Variants in DOT1L observed in about 807,000 individuals in gnomAD.
The protein encoded by DOT1L is histone-lysine N-methyltransferase, H3 lysine-79 specific.
In DOT1L, 33 loss-of-function variants were observed where a neutral mutation model predicts 153.3. That is an observed-to-expected ratio of 0.22 (90% CI 0.16 to 0.29). The LOEUF is 0.29. Among genes scored for constraint, DOT1L ranks in the 10% least tolerant of loss-of-function variants. The probability of loss-of-function intolerance (pLI) is 1.00; values close to 1 mark genes in which losing one functional copy is unlikely to be tolerated. For synonymous variants in DOT1L, 1,135 were observed against 965.1 expected (o/e 1.18, Z -3.26); for missense variants, 1,847 against 2,119.9 (o/e 0.87, Z 2.53).
chr19:2,219,310 T>G (rs1461963056), intron 22 of DOT1L, among the ~76,000 whole-genome samples: 2 of 152,102 alleles, frequency 1.3e-5, no homozygotes, highest in Non-Finnish European at 2.9e-5. Flanking sequence ...GCCCGGCCGG[T>G]TTTTTGTACT....
At chr19:2,187,957 A>C (rs1361106850) in intron 3 of DOT1L, among the ~76,000 whole-genome samples, 1 of 148,252 alleles carries the variant, frequency 6.7e-6, no homozygotes, top group Non-Finnish European at 1.5e-5. Context: ...AAAAGACAGG[A>C]AGGGCCAGGG....
In DOT1L at chr19:2,226,530, C is replaced by G; in HGVS notation, c.4009C>G (p.Leu1337Val). The change falls in exon 27 of 28, where the codon CTT becomes GTT. Residue 1337 changes from leucine (L) to valine (V), a missense_variant. By Grantham distance (32) the Leu-to-Val change is conservative. This residue lies in a region of DOT1L where 934 missense variants were observed against 825.3 expected (regional missense o/e 1.13). Transcript: ENST00000398665. ...SLHSFSDGAS[L>V]PHKGPEAAGL... is the part of the protein sequence containing the mutation. Reference sequence around the variant, plus strand: ...ACACAGCTTCAGTGATGGTGCTTCTCTTCCCCACAAGGGCCCCGAGGCGGC... The same window carrying G: ...ACACAGCTTCAGTGATGGTGCTTCTGTTCCCCACAAGGGCCCCGAGGCGGC... 6.2e-7 allele frequency: 1 copy of G among 1,600,800 alleles called. No individual in the cohort carries two copies. The highest frequency in any genetic ancestry group is 2.2e-5 in the East Asian group (1 of 44,864).
At chr19:2,185,749 A>G in intron 2 of DOT1L, 106 bp from the exon 3 acceptor site, 1 of 1,236,880 alleles carries the variant, frequency 8.1e-7, no homozygotes, top group Non-Finnish European at 1.2e-6. Flanking sequence ...AGCCTGGGCA[A>G]CAGAGTGAGA....
At chr19:2,229,069 C>G (rs2024489090) in intron 27 of DOT1L, 10 of 985,360 alleles carry the variant, frequency 1.0e-5, no homozygotes, top group Non-Finnish European at 1.2e-5. Flanking sequence ...GAGGGGCTTT[C>G]AGCTGCTCAG....
chr19:2,231,617 T>C lies in DOT1L; in HGVS notation c.*1825T>C, dbSNP rs1489266107. Reference sequence around the variant, plus strand: ...CCCACCCCACGTTGGTGCTCTCAGCTAGAAGGTGCTGTGCCTCTGCCTGAG... The same window carrying C: ...CCCACCCCACGTTGGTGCTCTCAGCCAGAAGGTGCTGTGCCTCTGCCTGAG... On this transcript the variant is annotated 3_prime_UTR_variant, in exon 28 of 28. Coordinates refer to ENST00000398665, the MANE Select transcript of DOT1L (RefSeq NM_032482.3). 1.9e-5 allele frequency: 4 copies of C among 206,216 alleles called. No homozygotes were observed. The highest frequency in any genetic ancestry group is 9.2e-5 in the African/African-American group (4 of 43,662). 12.8% of individuals were successfully genotyped at this position (206,216 alleles called of 1,614,324 possible). A position where few individuals can be genotyped will look rare whatever the true frequency, so the allele number is the denominator to read the frequency against.
At chr19:2,227,818 C>T in intron 27 of DOT1L, 1 of 1,300,036 alleles carries the variant, frequency 7.7e-7, no homozygotes, top group East Asian at 5.6e-5. Flanking sequence ...TGTGGCAGCG[C>T]CACACTGGGC....
rs1393912858 is a variant in DOT1L, at chr19:2,222,188, T to C, written c.3019T>C (p.Ser1007Pro). 1 of 1,613,034 alleles carries C rather than the reference T, an allele frequency of 6.2e-7. No individual in the cohort carries two copies. The highest frequency in any genetic ancestry group is 8.5e-7 in the Non-Finnish European group (1 of 1,179,824). The change falls in exon 24 of 28, where the codon TCC becomes CCC. Residue 1007 changes from serine to proline, a missense_variant. Physicochemically the swap from Ser to Pro is moderately conservative, Grantham distance 74. Coordinates refer to ENST00000398665, the MANE Select transcript of DOT1L (RefSeq NM_032482.3). This position sits in a 1 kb window ranked among gnomAD's most constrained non-coding sequence, Gnocchi z 6.5. ...SLPASPAHQLSSSPRLGGAAQ... is the reference protein window; with the variant it reads ...SLPASPAHQLPSSPRLGGAAQ... ...TCCTGCCTCTCCCGCCCACCAGCTC[T>C]CCTCCAGTCCCCGGCTTGGTGGGGC...
chr19:2,186,708 C>T (rs2022522194), intron 3 of DOT1L, among the ~76,000 whole-genome samples: 1 of 152,248 alleles, frequency 6.6e-6, no homozygotes. Flanking sequence ...CTCCCTCGAG[C>T]CCTGCCCATT....
chr19:2,167,166 C>A (rs1478907426), intron 1 of DOT1L, among the ~76,000 whole-genome samples: 1 of 152,128 alleles, frequency 6.6e-6, no homozygotes, highest in Admixed American at 6.6e-5. Flanking sequence ...ACACCACTGG[C>A]GGGATTTTTG....
chr19:2,222,216 C>A lies in DOT1L; in HGVS notation c.3047C>A (p.Ala1016Asp). Reference protein sequence around the residue: ...LSSSPRLGGAAQGPLPEASKG... With the variant: ...LSSSPRLGGADQGPLPEASKG... ...TCCAGTCCCCGGCTTGGTGGGGCCG[C>A]CCAGGGCCCGTTGCCCGAGGCCAGC... Residue 1016 changes from alanine (A) to aspartate (D), a missense_variant, in exon 24 of 28, where the codon GCC becomes GAC. This residue lies in a region of DOT1L where 934 missense variants were observed against 825.3 expected (regional missense o/e 1.13). Coordinates refer to ENST00000398665, the MANE Select transcript of DOT1L (RefSeq NM_032482.3). This position sits in a 1 kb window ranked among gnomAD's most constrained non-coding sequence, Gnocchi z 6.5. 6.2e-7 allele frequency: 1 copy of A among 1,613,114 alleles called. No individual in the cohort carries two copies. Among genetic ancestry groups the A allele is most frequent in the Non-Finnish European group, 8.5e-7 (1 of 1,179,862 alleles).
chr19:2,221,891 A>G, intron 23 of DOT1L, 85 bp from the exon 24 acceptor site: 1 of 1,327,288 alleles, frequency 7.5e-7, no homozygotes, highest in Non-Finnish European at 1.0e-6. Flanking sequence ...GAGCCCACAG[A>G]GCTCCTAGGG....
Position 2,216,404 on chromosome 19 carries a change from C to G in DOT1L, c.2047C>G (p.Leu683Val), listed in dbSNP as rs776110374. ...TGGGAAGGGCGCCCTGGGCCGCGAG[C>G]TGGAGCCTGACGCCAGCCGGCTGCA... Reference protein sequence around the residue: ...LRGKGALGRELEPDASRLHLE... With the variant: ...LRGKGALGREVEPDASRLHLE... Residue 683 changes from leucine (L) to valine (V), a missense_variant, in exon 20 of 28, where the codon CTG becomes GTG. Around this residue, in one of 8 missense-constraint regions of DOT1L, gnomAD observed 281 missense variants for 263.6 expected, o/e 1.07. Coordinates refer to ENST00000398665, the MANE Select transcript of DOT1L (RefSeq NM_032482.3). 5.6e-6 allele frequency: 9 copies of G among 1,612,372 alleles called. No individual in the cohort carries two copies. The highest frequency in any genetic ancestry group is 1.3e-5 in the African/African-American group (1 of 74,936).
chr19:2,215,921 G>A (rs561465939), intron 19 of DOT1L: 50 of 210,120 alleles, frequency 2.4e-4, no homozygotes, highest in Admixed American at 2.2e-3. Flanking sequence ...CAGACTCAGC[G>A]CCCGGGGAAG....
rs1406715735 is a variant in DOT1L at position 2,231,325 on chromosome 19, C to T, written c.*1533C>T. 1.4e-5 allele frequency: 3 copies of T among 216,086 alleles called. No homozygotes were observed. Among genetic ancestry groups the T allele is most frequent in the Non-Finnish European group, 2.8e-5 (3 of 107,286 alleles). 13.4% of individuals were successfully genotyped at this position (216,086 alleles called of 1,614,324 possible). On this transcript the variant is annotated 3_prime_UTR_variant, in exon 28 of 28. Coordinates refer to ENST00000398665, the MANE Select transcript of DOT1L (RefSeq NM_032482.3). ...ATCCACCCTCCAGGGAGCTGCCAGC[C>T]CTGTGTTCTGGTTCCCAAGGGCAGG...
In DOT1L at chr19:2,231,277, G is replaced by A. The variant is rs1186660840; in HGVS notation, c.*1485G>A. ...TGCTCCTGTGAGATGGCATCGGGGA[G>A]CCCCTTCCCCAAGGTGCCACAGATC... On this transcript the variant is annotated 3_prime_UTR_variant, in exon 28 of 28. Coordinates refer to ENST00000398665, the MANE Select transcript of DOT1L (RefSeq NM_032482.3). The A allele has an allele frequency of 4.5e-6, 1 of 224,482 alleles. No homozygotes were observed. Among genetic ancestry groups the A allele is most frequent in the East Asian group, 6.4e-5 (1 of 15,586 alleles). The allele number at this position is 224,482 out of a possible 1,614,324, so 13.9% of individuals were successfully genotyped here. A position where few individuals can be genotyped will look rare whatever the true frequency, so the allele number is the denominator to read the frequency against.
chr19:2,227,756 G>T (rs746190565), intron 27 of DOT1L: 2 of 1,319,320 alleles, frequency 1.5e-6, no homozygotes, highest in Non-Finnish European at 1.0e-6. Flanking sequence ...ACCACGCGGT[G>T]CCCTCCGCCT....
At chr19:2,166,255 C>A (rs961981675) in intron 1 of DOT1L, among the ~76,000 whole-genome samples, 4 of 147,426 alleles carry the variant, frequency 2.7e-5, no homozygotes, top group Non-Finnish European at 6.0e-5. Context: ...CGCCACCACA[C>A]CCTGCTAATT....
rs2023666615 is a variant in DOT1L at position 2,210,471 on chromosome 19, C to A, written c.1077C>A (p.Gly359=). Residue 359 remains glycine (G), a synonymous_variant, in exon 13 of 28, where the codon GGC becomes GGA. Coordinates refer to ENST00000398665, the MANE Select transcript of DOT1L (RefSeq NM_032482.3). ...SKSNAATPTK[G]PEGKVAGPAD... ...GCAACGCGGCCACGCCCACTAAGGG[C>A]CCAGAGGGCAAGGTGGCCGGCCCCG... The A allele has an allele frequency of 6.3e-7, 1 of 1,592,374 alleles. No homozygotes were observed. Among genetic ancestry groups the A allele is most frequent in the South Asian group, 1.1e-5 (1 of 90,016 alleles).
At position 2,226,991 on chromosome 19, in the gene DOT1L, C is replaced by T. The variant is rs935937674; in HGVS notation, c.4470C>T (p.Gly1490=). 2 of 1,591,672 alleles carry T rather than the reference C, an allele frequency of 1.3e-6. No individual in the cohort carries two copies. The highest frequency in any genetic ancestry group is 8.5e-7 in the Non-Finnish European group (1 of 1,176,732). The change falls in exon 27 of 28, where the codon GGC becomes GGT. Residue 1490 remains glycine, a synonymous_variant. Transcript: ENST00000398665. ...SLQANLGSVA[G]SSVLQSLFSS... ...AGGCCAACCTCGGCTCCGTGGCCGGCTCCTCCGTGCTGCAGTCGCTGTTCA... is the reference window on the plus strand; with the variant it reads ...AGGCCAACCTCGGCTCCGTGGCCGGTTCCTCCGTGCTGCAGTCGCTGTTCA...
Sources: gnomAD v4.1 joint callset for allele counts (sites outside exome capture counted in the v4.1 genomes callset) on GRCh38, gnomAD v4.1.1 for gene constraint, gnomAD v4.1.1 regional missense constraint, Gnocchi (gnomAD v3.1) non-coding constraint, MANE v1.5 for transcripts, NCBI Gene and HGNC (gene_info 2026-07-23, HGNC 2026-07-21) for gene names.